PTPRM: variants seen among roughly 807,000 people sequenced by gnomAD.
PTPRM encodes protein tyrosine phosphatase receptor type M.
A neutral mutation model predicts 186.7 loss-of-function variants in PTPRM; 47 were observed. The ratio of observed to expected loss-of-function variants is 0.25; its 90% CI spans 0.20 to 0.32. The LOEUF is 0.32. Among genes scored for constraint, PTPRM ranks in the 10% least tolerant of loss-of-function variants. The pLI is 1.00. For missense variants in PTPRM, 1,494 were observed against 1,865.0 expected (o/e 0.80, Z 3.66); for synonymous variants, 668 against 674.9 (o/e 0.99, Z 0.16).
intron 1 of PTPRM, among the ~76,000 whole-genome samples, chr18:7,743,567 G>A (rs1406819997): frequency 6.6e-6 from 1 of 152,034 alleles, no homozygotes; most frequent in African/African-American, 2.4e-5. Flanking sequence ...GCTAAAACCT[G>A]GTATTTTAAT....
chr18:8,252,597 G>T, intron 18 of PTPRM, 98 bp downstream of exon 18: 1 of 1,187,922 alleles, frequency 8.4e-7, no homozygotes, highest in South Asian at 1.2e-5. Flanking sequence ...GCTGCTCTGT[G>T]CTGGCCTGCA....
chr18:7,738,297 C>T (rs1386503340), intron 1 of PTPRM, among the ~76,000 whole-genome samples: 1 of 152,224 alleles, frequency 6.6e-6, no homozygotes, highest in Non-Finnish European at 1.5e-5. Context: ...TCTTGGAAAG[C>T]ATTTTCTGCA....
intron 5 of PTPRM, among the ~76,000 whole-genome samples, chr18:7,941,326 T>C (rs138807213): frequency 2.0e-5 from 3 of 152,328 alleles, no homozygotes; most frequent in African/African-American, 7.2e-5. Context: ...AGAGGGACCA[T>C]CTCTCCAGAT....
chr18:8,260,082 A>G (rs57518391), intron 19 of PTPRM, among the ~76,000 whole-genome samples: 17,753 of 152,244 alleles, frequency 0.12, 1,082 homozygotes, highest in Middle Eastern at 0.21. Flanking sequence ...GGAGAGAAGC[A>G]TGGCACTGCC....
chr18:8,352,662 G>GTTTTTTTTTTTTTTTT (rs71165783), intron 23 of PTPRM, among the ~76,000 whole-genome samples: 2 of 93,028 alleles, frequency 2.1e-5, no homozygotes, highest in Non-Finnish European at 4.6e-5. Flanking sequence ...GGTTTTTTTT[G>GTTTTTTTTTTTTTTTT]TTTGTTTGTT....
chr18:8,227,106 C>G (rs8093744), intron 14 of PTPRM, among the ~76,000 whole-genome samples: 1,547 of 152,254 alleles, frequency 0.01, 23 homozygotes, highest in African/African-American at 0.035. Context: ...AGTAATGTAC[C>G]AGATTGGTGC....
At chr18:8,365,896 G>A (rs1404318357) in intron 23 of PTPRM, 1 of 152,160 alleles carries the variant, frequency 6.6e-6, no homozygotes, top group Non-Finnish European at 1.5e-5. Context: ...TTCCATTTTT[G>A]GATAAACTGG....
At chr18:8,394,735 A>T in intron 32 of PTPRM, 124 bp downstream of exon 32, 1 of 1,077,262 alleles carries the variant, frequency 9.3e-7, no homozygotes, top group East Asian at 2.9e-5. Context: ...ATCACAATGT[A>T]ATCACTTTGC....
In PTPRM at chr18:8,283,814, G is replaced by A. The variant is rs1043656900; in HGVS notation, c.2755-12554G>A. Among the ~76,000 whole-genome samples, 259 of 151,474 alleles carry A rather than the reference G, an allele frequency of 1.7e-3. 2 individuals are homozygous for A. The highest frequency in any genetic ancestry group is 6.1e-3 in the African/African-American group (252 of 41,234). ...TTTTTTTTATTTTTAGTCGAGGTGG[G>A]GTCTCGCTATGTTGCCCAGGCTGTT... On this transcript the variant is annotated intron_variant, in intron 19 of 32. Transcript: ENST00000580170.
intron 21 of PTPRM, among the ~76,000 whole-genome samples, chr18:8,315,978 C>G (rs952245126): frequency 6.6e-6 from 1 of 152,160 alleles, no homozygotes; most frequent in South Asian, 2.1e-4. Context: ...TTAAAGCAAG[C>G]TTTCTTCATA....
At chr18:8,209,797 C>T (rs7245367) in intron 14 of PTPRM, among the ~76,000 whole-genome samples, 5,097 of 151,344 alleles carry the variant, frequency 0.034, 283 homozygotes, top group African/African-American at 0.12. Context: ...CACAGGGAGG[C>T]GAACAACACA....
intron 4 of PTPRM, among the ~76,000 whole-genome samples, chr18:7,926,113 T>A (rs550469760): frequency 6.6e-6 from 1 of 152,326 alleles, no homozygotes. Context: ...AAATATATAT[T>A]ATGTACAGCT....
At chr18:8,323,333 T>C (rs2095357113) in intron 22 of PTPRM, among the ~76,000 whole-genome samples, 1 of 152,068 alleles carries the variant, frequency 6.6e-6, no homozygotes, top group Non-Finnish European at 1.5e-5. Context: ...AGGCCTGGTG[T>C]GGTCTTTCCT....
chr18:7,859,492 T>C (rs1284919060), intron 2 of PTPRM, among the ~76,000 whole-genome samples: 3 of 152,230 alleles, frequency 2.0e-5, no homozygotes, highest in African/African-American at 4.8e-5. Context: ...GAACTGGCAT[T>C]ACTGCCTGGC....
intron 3 of PTPRM, among the ~76,000 whole-genome samples, chr18:7,897,748 T>C (rs1462800302): frequency 1.3e-5 from 2 of 152,214 alleles, no homozygotes; most frequent in Non-Finnish European, 2.9e-5. Context: ...TCTGCCGCTA[T>C]ATGCATATCA....
At chr18:7,673,712 C>A (rs189275867) in intron 1 of PTPRM, among the ~76,000 whole-genome samples, 1 of 152,264 alleles carries the variant, frequency 6.6e-6, no homozygotes, top group African/African-American at 2.4e-5. Flanking sequence ...TAGGATAAAG[C>A]CTTGCTTATA....
chr18:7,954,165 G>A (rs2053161883), intron 6 of PTPRM, among the ~76,000 whole-genome samples: 1 of 152,178 alleles, frequency 6.6e-6, no homozygotes, highest in Admixed American at 6.5e-5. Context: ...TATACTGGGA[G>A]TACTATTTAT....
At chr18:7,820,220 G>A (rs895622880) in intron 2 of PTPRM, among the ~76,000 whole-genome samples, 2 of 152,136 alleles carry the variant, frequency 1.3e-5, no homozygotes, top group African/African-American at 2.4e-5. Flanking sequence ...TGTCCTTGGA[G>A]CTGCCTGCCA....
chr18:7,798,561 T>C (rs1032102521), intron 2 of PTPRM, among the ~76,000 whole-genome samples: 1 of 152,036 alleles, frequency 6.6e-6, no homozygotes, highest in Non-Finnish European at 1.5e-5. Context: ...GTAAATTTTG[T>C]GTGTATTTTA....
Sources: gnomAD v4.1 joint callset for allele counts (sites outside exome capture counted in the v4.1 genomes callset) on GRCh38, gnomAD v4.1.1 for gene constraint, MANE v1.5 for transcripts, NCBI Gene and HGNC (gene_info 2026-07-23, HGNC 2026-07-21) for gene names.